The following METTL8 variants were observed in gnomAD, a reference collection of about 807,000 sequenced individuals.
METTL8 encodes the protein methyltransferase 8, tRNA N3-cytidine.
In METTL8, 32 loss-of-function variants were observed where a neutral mutation model predicts 48.7. That is an observed-to-expected ratio of 0.66 (90% confidence interval 0.50 to 0.88). METTL8 has a LOEUF of 0.88. Among genes scored for constraint, METTL8 ranks in the 40% least tolerant of loss-of-function variants. The probability of loss-of-function intolerance (pLI) is 0.00; values close to 1 mark genes in which losing one functional copy is unlikely to be tolerated. For missense variants in METTL8, 464 were observed against 474.4 expected (o/e 0.98, Z 0.20); for synonymous variants, 136 against 157.1 (o/e 0.87, Z 1.01).
At chr2:171,398,501 G>C (rs914535155) in intron 1 of METTL8, among the ~76,000 whole-genome samples, 25 of 152,116 alleles carry the variant, frequency 1.6e-4, no homozygotes, top group Non-Finnish European at 2.9e-4. Context: ...CAGAGGTTGG[G>C]GAAGGGGGAA....
chr2:171,427,849 T>G (rs1037239860), intron 1 of METTL8, among the ~76,000 whole-genome samples: 1 of 152,202 alleles, frequency 6.6e-6, no homozygotes, highest in Non-Finnish European at 1.5e-5. Flanking sequence ...CTATACCCTA[T>G]GCCAAAACTT....
chr2:171,337,519 A>G lies in METTL8; in HGVS notation c.607-17T>C. On this transcript the variant is annotated splice_polypyrimidine_tract_variant and intron_variant, in intron 4 of 9. Transcript: ENST00000375258. ...ACAACCAACCTAAAATCAAAAGAAC[A>G]AGCAAATATCAAAAAAAGCAAGGTT... 6.3e-7 allele frequency: 1 copy of G among 1,590,428 alleles called. No homozygotes were observed. The highest frequency in any genetic ancestry group is 1.3e-5 in the African/African-American group (1 of 74,074).
At chr2:171,353,250 T>C (rs566499582) in intron 3 of METTL8, among the ~76,000 whole-genome samples, 2 of 152,348 alleles carry the variant, frequency 1.3e-5, no homozygotes, top group African/African-American at 2.4e-5. Flanking sequence ...CAGGAGCAGC[T>C]TGTGCAGTTT....
rs1274380102 is a variant in METTL8, at chr2:171,322,360, G to A, written c.*1812C>T. The A allele has an allele frequency of 6.6e-6, 1 of 152,080 alleles. No homozygotes were observed. Among genetic ancestry groups the A allele is most frequent in the Admixed American group, 6.6e-5 (1 of 15,266 alleles). The allele number at this position is 152,080 out of a possible 1,614,324, so 9.4% of individuals were successfully genotyped here. ...GAGCTTACCACTGATACCAGAAAGG[G>A]TCTGGATCCAGACGCCAAGAGAGGA... is the stretch of plus-strand genomic sequence containing the variant. On this transcript the variant is annotated 3_prime_UTR_variant, in exon 10 of 10. Coordinates refer to ENST00000375258, the MANE Select transcript of METTL8 (RefSeq NM_001321154.2).
chr2:171,417,918 G>A (rs1403299178), intron 1 of METTL8, among the ~76,000 whole-genome samples: 1 of 151,346 alleles, frequency 6.6e-6, no homozygotes, highest in African/African-American at 2.4e-5. Flanking sequence ...TCTGTTCCGG[G>A]ACCCCTTATT....
intron 1 of METTL8, among the ~76,000 whole-genome samples, chr2:171,409,274 C>T (rs977263654): frequency 1.3e-5 from 2 of 151,846 alleles, no homozygotes; most frequent in Non-Finnish European, 2.9e-5. Flanking sequence ...AAAGTTCTTA[C>T]AAAGAAAATT....
intron 2 of METTL8, among the ~76,000 whole-genome samples, chr2:171,389,514 CAAAAAAAAAAAAAAAA>C (rs56087323): frequency 1.9e-5 from 1 of 52,022 alleles, no homozygotes. Flanking sequence ...CCCTGTCTCA[CAAAAAAAAAAAAAAAA>C]AAAAAAAAAA....
intron 1 of METTL8, among the ~76,000 whole-genome samples, chr2:171,404,259 A>T (rs999715048): frequency 6.6e-6 from 1 of 151,726 alleles, no homozygotes; most frequent in Non-Finnish European, 1.5e-5. Flanking sequence ...ATGTGAGATG[A>T]TAAAATGCCT....
intron 1 of METTL8, among the ~76,000 whole-genome samples, chr2:171,420,166 T>C (rs574899324): frequency 1.3e-5 from 2 of 152,188 alleles, no homozygotes; most frequent in East Asian, 1.9e-4. Flanking sequence ...GCCTAGGCAA[T>C]GTGGTGAAAC....
rs1230463896 is a variant in METTL8, at chr2:171,324,326, T to C, written c.1070A>G (p.Asp357Gly). The change falls in exon 10 of 10, where the codon GAT becomes GGT. Residue 357 changes from aspartate to glycine, a missense_variant. Coordinates refer to ENST00000375258, the MANE Select transcript of METTL8 (RefSeq NM_001321154.2). ...GCGATCAACCAGATTTTGCTTTTCATCTAAACTGGCTTTGCAGAACATACT... is the reference window on the plus strand; with the variant it reads ...GCGATCAACCAGATTTTGCTTTTCACCTAAACTGGCTTTGCAGAACATACT... ...VHSMFCKASLDEKQNLVDRRL... is the reference protein window; with the variant it reads ...VHSMFCKASLGEKQNLVDRRL... 1.3e-6 allele frequency: 2 copies of C among 1,551,688 alleles called. No individual in the cohort carries two copies. Among genetic ancestry groups the C allele is most frequent in the East Asian group, 4.9e-5 (2 of 40,918 alleles).
intron 1 of METTL8, among the ~76,000 whole-genome samples, chr2:171,397,091 G>C (rs868116993): frequency 6.6e-6 from 1 of 150,650 alleles, no homozygotes; most frequent in Non-Finnish European, 1.5e-5. Context: ...CAAAGTGCTG[G>C]GATTACAGGC....
intron 2 of METTL8, among the ~76,000 whole-genome samples, chr2:171,379,148 C>T (rs1042995855): frequency 1.1e-4 from 17 of 152,086 alleles, no homozygotes; most frequent in Admixed American, 6.6e-4. Flanking sequence ...CAACTTGCTC[C>T]GGAATGACTC....
At position 171,371,823 on chromosome 2, in the gene METTL8, ATT is replaced by A. The variant is rs531096534; in HGVS notation, c.144-11312_144-11311del. On this transcript the variant is annotated intron_variant, in intron 2 of 9. Coordinates refer to ENST00000375258, the MANE Select transcript of METTL8 (RefSeq NM_001321154.2). ...ATTTTTAAAATTTTTAAATTACATTATTGTTATTATTACTATTATTATTATTA... is the reference window on the plus strand; with the variant it reads ...ATTTTTAAAATTTTTAAATTACATTAGTTATTATTACTATTATTATTATTA... 1.7e-4 allele frequency among the ~76,000 whole-genome samples: 22 copies of A among 131,654 alleles called. No individual in the cohort carries two copies. In the South Asian group the frequency reaches 5.5e-3, roughly 33 times the overall value. 86.4% of individuals were successfully genotyped at this position (131,654 alleles called of 152,430 possible). A position where few individuals can be genotyped will look rare whatever the true frequency, so the allele number is the denominator to read the frequency against.
At chr2:171,400,715 G>T (rs968846313) in intron 1 of METTL8, among the ~76,000 whole-genome samples, 1 of 152,132 alleles carries the variant, frequency 6.6e-6, no homozygotes, top group East Asian at 1.9e-4. Flanking sequence ...CTTCTGCAGA[G>T]CTGAGTAGTA....
chr2:171,331,539 C>T (rs1382693001), intron 6 of METTL8, among the ~76,000 whole-genome samples: 4 of 152,000 alleles, frequency 2.6e-5, no homozygotes, highest in Non-Finnish European at 5.9e-5. Flanking sequence ...GCCTCAGCCT[C>T]CCAAATAGCT....
chr2:171,386,135 G>C (rs1369164677), intron 2 of METTL8, among the ~76,000 whole-genome samples: 1 of 152,094 alleles, frequency 6.6e-6, no homozygotes, highest in African/African-American at 2.4e-5. Flanking sequence ...TAAATCAGTA[G>C]GCAAGAATCT....
At chr2:171,393,065 T>C (rs1051391216) in intron 1 of METTL8, among the ~76,000 whole-genome samples, 2 of 151,940 alleles carry the variant, frequency 1.3e-5, no homozygotes, top group East Asian at 3.9e-4. Flanking sequence ...GATTGTGTCA[T>C]TGCACTCCCG....
chr2:171,379,388 A>G (rs1687287299), intron 2 of METTL8, among the ~76,000 whole-genome samples: 2 of 152,322 alleles, frequency 1.3e-5, no homozygotes, highest in Admixed American at 1.3e-4. Flanking sequence ...AGCTAGCGGA[A>G]GGCAAGAAAT....
chr2:171,390,969 A>T (rs1022640948), intron 2 of METTL8, among the ~76,000 whole-genome samples: 10 of 152,372 alleles, frequency 6.6e-5, no homozygotes, highest in South Asian at 2.1e-4. Flanking sequence ...TGATTTTGAA[A>T]GTTCTACTGT....
Sources: allele counts gnomAD v4.1 joint callset (sites outside exome capture counted in the v4.1 genomes callset), GRCh38; gene constraint gnomAD v4.1.1; transcripts MANE v1.5; gene names NCBI Gene and HGNC (gene_info 2026-07-23, HGNC 2026-07-21).